The following DAAM2 variants were observed in gnomAD, a reference collection of about 807,000 sequenced individuals.
The protein encoded by DAAM2 is dishevelled associated activator of morphogenesis 2, also known as disheveled-associated activator of morphogenesis 2.
A neutral mutation model predicts 120.7 loss-of-function variants in DAAM2; 39 were observed. That is an observed-to-expected ratio of 0.32 (90% CI 0.25 to 0.42). DAAM2 has a LOEUF of 0.42. DAAM2 is among the 10% of genes least tolerant of loss of function. The probability of loss-of-function intolerance (pLI) is 1.00; values close to 1 mark genes in which losing one functional copy is unlikely to be tolerated. For synonymous variants in DAAM2, 488 were observed against 524.9 expected (o/e 0.93, Z 0.96); for missense variants, 1,283 against 1,401.7 (o/e 0.92, Z 1.35).
Position 39,811,466 on chromosome 6 carries a change from A to C in DAAM2, c.-57+19001A>C, listed in dbSNP as rs142374558. Among the ~76,000 whole-genome samples the C allele has an allele frequency of 3.2e-3, 494 of 152,252 alleles. 5 individuals are homozygous for C. Among genetic ancestry groups the C allele is most frequent in the Middle Eastern group, 0.024 (7 of 294 alleles). On this transcript the variant is annotated intron_variant, in intron 1 of 24. Transcript: ENST00000274867. ...GTGCCTGTTCTCCTTCAGGCAGGCC[A>C]CAGAGTAAAGGAGGGGACTTTTGGG...
At chr6:39,899,058 C>A in intron 22 of DAAM2, 121 bp downstream of exon 22, 2 of 733,496 alleles carry the variant, frequency 2.7e-6, no homozygotes, top group South Asian at 3.5e-5. Flanking sequence ...AGCACAGGGT[C>A]AGCCCTCCCA....
At chr6:39,856,115 T>TG in intron 1 of DAAM2, 132 bp from the exon 2 acceptor site, 1 of 416,582 alleles carries the variant, frequency 2.4e-6, no homozygotes, top group Non-Finnish European at 3.7e-6. Flanking sequence ...GACAGCGGGG[T>TG]GGGTGGGGCT....
intron 1 of DAAM2, chr6:39,823,078 T>G (rs1762544574): frequency 6.6e-6 from 1 of 152,328 alleles, no homozygotes; most frequent in African/African-American, 2.4e-5. Flanking sequence ...TATAACCTAC[T>G]ATTGGCATGC....
intron 3 of DAAM2, chr6:39,861,766 T>G (rs1764221520): frequency 6.5e-6 from 1 of 154,480 alleles, no homozygotes; most frequent in Non-Finnish European, 1.4e-5. Context: ...GTTTTCAGAC[T>G]TGAGTCCCAA....
At chr6:39,892,596 G>A (rs1265240698) in intron 19 of DAAM2, among the ~76,000 whole-genome samples, 1 of 152,130 alleles carries the variant, frequency 6.6e-6, no homozygotes, top group African/African-American at 2.4e-5. Context: ...ATAAGCAGGA[G>A]AGGCTGGGAG....
chr6:39,836,462 C>G (rs1029077402), intron 1 of DAAM2, among the ~76,000 whole-genome samples: 1 of 152,164 alleles, frequency 6.6e-6, no homozygotes, highest in Admixed American at 6.5e-5. Flanking sequence ...TTACTGTGAT[C>G]TCTAGTTGAC....
At chr6:39,815,339 C>A (rs977120570) in intron 1 of DAAM2, among the ~76,000 whole-genome samples, 4 of 152,190 alleles carry the variant, frequency 2.6e-5, no homozygotes, top group Non-Finnish European at 5.9e-5. Context: ...CAGAAATTAA[C>A]ATGAACTCTG....
Position 39,851,350 on chromosome 6 carries a change from C to T in DAAM2, c.-56-4897C>T, listed in dbSNP as rs540866070. Among the ~76,000 whole-genome samples the T allele has an allele frequency of 1.2e-4, 18 of 152,304 alleles. No homozygotes were observed. The South Asian group carries it at 3.5e-3, about 30-fold the overall frequency. ...CAAGCTACTTAACCACTCTGAACCA[C>T]AGTTTTTGTGGCTTTTGTTTTTGTT... On this transcript the variant is annotated intron_variant, in intron 1 of 24. Coordinates refer to ENST00000274867, the MANE Select transcript of DAAM2 (RefSeq NM_001201427.2).
chr6:39,813,794 C>T (rs182953445), intron 1 of DAAM2, among the ~76,000 whole-genome samples: 328 of 152,274 alleles, frequency 2.2e-3, no homozygotes, highest in Admixed American at 3.4e-3. Context: ...GTTAATGTTT[C>T]CAGTCTTTTC....
intron 9 of DAAM2, among the ~76,000 whole-genome samples, chr6:39,872,554 C>G (rs1452611724): frequency 1.3e-5 from 2 of 152,182 alleles, no homozygotes; most frequent in African/African-American, 4.8e-5. Context: ...ATTTTAACCT[C>G]GGCAACCCTG....
intron 3 of DAAM2, 86 bp downstream of exon 3, chr6:39,861,103 T>A: frequency 2.1e-6 from 2 of 961,800 alleles, no homozygotes; most frequent in Non-Finnish European, 3.3e-6. Flanking sequence ...TGCATTCACC[T>A]GATGTTTATT....
intron 6 of DAAM2, 111 bp from the exon 7 acceptor site, chr6:39,868,712 A>C: frequency 1.3e-6 from 1 of 744,766 alleles, no homozygotes. Flanking sequence ...TTGGGTGGAG[A>C]GAGCAGATGG....
chr6:39,904,776 G>C lies in DAAM2; in HGVS notation c.*2739G>C. ...GCCTCAGATGACAAATGAGGCTAAT[G>C]GACATAATCTACAGTGTCCTTTTTC... On this transcript the variant is annotated 3_prime_UTR_variant, in exon 25 of 25. Transcript: ENST00000274867. 2.2e-6 allele frequency: 1 copy of C among 454,072 alleles called. No individual in the cohort carries two copies. Among genetic ancestry groups the C allele is most frequent in the Non-Finnish European group, 4.4e-6 (1 of 226,794 alleles). The allele number at this position is 454,072 out of a possible 1,614,324, so 28.1% of individuals were successfully genotyped here.
intron 3 of DAAM2, among the ~76,000 whole-genome samples, chr6:39,863,363 T>A (rs73430511): frequency 3.7e-4 from 56 of 152,306 alleles, no homozygotes; most frequent in African/African-American, 1.3e-3. Flanking sequence ...AAATTTAACA[T>A]TTAACCATGT....
chr6:39,898,896 G>C lies in DAAM2; in HGVS notation c.2638G>C (p.Glu880Gln). The C allele has an allele frequency of 6.2e-7, 1 of 1,612,936 alleles. No individual in the cohort carries two copies. Among genetic ancestry groups the C allele is most frequent in the Non-Finnish European group, 8.5e-7 (1 of 1,179,548 alleles). Reference protein sequence around the residue: ...AKVNLAELEKEVGNLRRGLRA... With the variant: ...AKVNLAELEKQVGNLRRGLRA... The stretch of plus-strand genomic sequence containing the variant: ...TTACAGCCTAGCAGAACTGGAGAAG[G>C]AGGTGGGCAACCTCAGGAGGGGCCT... Residue 880 changes from glutamate to glutamine, a missense_variant, in exon 22 of 25, where the codon GAG becomes CAG. Glu to Gln is a conservative substitution (Grantham distance 29, BLOSUM62 2). Around this residue, in one of 3 missense-constraint regions of DAAM2, gnomAD observed 748 missense variants for 768.6 expected, o/e 0.97. Transcript: ENST00000274867.
intron 2 of DAAM2, among the ~76,000 whole-genome samples, chr6:39,858,886 C>A (rs1254271633): frequency 6.6e-6 from 1 of 152,096 alleles, no homozygotes; most frequent in East Asian, 1.9e-4. Flanking sequence ...GAGGAGAAGT[C>A]ATCAAGGAAG....
intron 17 of DAAM2, chr6:39,888,988 T>A (rs1765535488): frequency 3.1e-6 from 1 of 322,944 alleles, no homozygotes; most frequent in Admixed American, 4.6e-5. Flanking sequence ...CAAGGCAAAG[T>A]CAGATGAGGA....
intron 17 of DAAM2, among the ~76,000 whole-genome samples, chr6:39,889,748 T>C (rs1765592957): frequency 6.6e-6 from 1 of 152,182 alleles, no homozygotes; most frequent in African/African-American, 2.4e-5. Flanking sequence ...AACAACCAAT[T>C]AACACATATT....
At chr6:39,884,226 A>C in intron 15 of DAAM2, 157 bp downstream of exon 15, 2 of 583,970 alleles carry the variant, frequency 3.4e-6, no homozygotes, top group Admixed American at 3.0e-5. Context: ...CCTTCCTCAC[A>C]TGTATACTGA....
Sources: gnomAD v4.1 joint callset for allele counts (sites outside exome capture counted in the v4.1 genomes callset) on GRCh38, gnomAD v4.1.1 for gene constraint, gnomAD v4.1.1 regional missense constraint, MANE v1.5 for transcripts, NCBI Gene and HGNC (gene_info 2026-07-23, HGNC 2026-07-21) for gene names.